The following CDRT4 variants were observed in gnomAD, a reference collection of about 807,000 sequenced individuals.
CDRT4 encodes CMT1A duplicated region transcript 4 protein.
For synonymous variants in CDRT4, 64 were observed against 69.6 expected (o/e 0.92, Z 0.40); for missense variants, 167 against 193.1 (o/e 0.87, Z 0.80).
intron 2 of CDRT4, among the ~76,000 whole-genome samples, chr17:15,449,070 C>A (rs1979151965): frequency 6.6e-6 from 1 of 152,220 alleles, no homozygotes; most frequent in African/African-American, 2.4e-5. Context: ...TTATTTCACA[C>A]ATATTTGCAT....
At chr17:15,443,347 G>A (rs1402142165) in intron 2 of CDRT4, among the ~76,000 whole-genome samples, 3 of 149,250 alleles carry the variant, frequency 2.0e-5, no homozygotes, top group Admixed American at 6.7e-5. Flanking sequence ...TGGCACGATC[G>A]TAGCTCACCG....
intron 1 of CDRT4, among the ~76,000 whole-genome samples, chr17:15,459,990 C>T (rs1032096909): frequency 1.2e-4 from 18 of 152,070 alleles, no homozygotes; most frequent in Non-Finnish European, 2.9e-5. Context: ...GTGAGGGAGC[C>T]CCTGTCCCAG....
intron 3 of CDRT4, among the ~76,000 whole-genome samples, 195 bp downstream of exon 3, chr17:15,440,013 C>T (rs961096182): frequency 1.3e-5 from 2 of 151,878 alleles, no homozygotes; most frequent in Non-Finnish European, 2.9e-5. Context: ...GGGTGCAGCA[C>T]ACCAACATGT....
intron 2 of CDRT4, among the ~76,000 whole-genome samples, chr17:15,445,569 T>C (rs1978988088): frequency 1.3e-5 from 2 of 152,082 alleles, no homozygotes; most frequent in African/African-American, 4.8e-5. Flanking sequence ...AGTGAAAAAA[T>C]GTTCTTCTCC....
rs138758289 is a variant in CDRT4 at position 15,451,397 on chromosome 17, C to T, written c.-48+1607G>A. Among the ~76,000 whole-genome samples the T allele has an allele frequency of 4.1e-4, 63 of 152,310 alleles. 1 individual carries two copies. The East Asian group carries it at 0.012, about 28-fold the overall frequency. ...GAAAATGGACTAACACACCCTACAACTCCTTCTCCAAAGAGGACCCAGAGT... is the reference window on the plus strand; with the variant it reads ...GAAAATGGACTAACACACCCTACAATTCCTTCTCCAAAGAGGACCCAGAGT... On this transcript the variant is annotated intron_variant, in intron 2 of 3. Transcript: ENST00000619038.
At chr17:15,445,058 C>T (rs905784300) in intron 2 of CDRT4, among the ~76,000 whole-genome samples, 1 of 152,176 alleles carries the variant, frequency 6.6e-6, no homozygotes, top group African/African-American at 2.4e-5. Flanking sequence ...TTTACGGGTT[C>T]CAGGCAGGAT....
At chr17:15,444,879 A>G (rs1382211653) in intron 2 of CDRT4, among the ~76,000 whole-genome samples, 1 of 152,078 alleles carries the variant, frequency 6.6e-6, no homozygotes, top group African/African-American at 2.4e-5. Context: ...TTCCACAACC[A>G]CCACCTGCCA....
intron 3 of CDRT4, among the ~76,000 whole-genome samples, 174 bp downstream of exon 3, chr17:15,440,034 C>T (rs1023966264): frequency 6.6e-6 from 1 of 151,700 alleles, no homozygotes. Context: ...CACATGTATA[C>T]ATATGTAACA....
Position 15,438,212 on chromosome 17 carries a change from G to C in CDRT4, c.32-12C>G, listed in dbSNP as rs376029782. ...GTTTTCTGTGAGTCCTACCAACAAA[G>C]AGAAATGCAGGCCATTTAGAGGCAG... On this transcript the variant is annotated splice_polypyrimidine_tract_variant and intron_variant, in intron 3 of 3. Transcript: ENST00000619038. 5.0e-6 allele frequency: 8 copies of C among 1,608,342 alleles called. No homozygotes were observed. Among genetic ancestry groups the C allele is most frequent in the Non-Finnish European group, 6.8e-6 (8 of 1,176,538 alleles).
intron 1 of CDRT4, among the ~76,000 whole-genome samples, chr17:15,454,757 G>T (rs991400876): frequency 3.9e-5 from 6 of 152,180 alleles, no homozygotes; most frequent in African/African-American, 4.8e-5. Context: ...TTTGGAGGTA[G>T]GAGAACTCAC....
intron 1 of CDRT4, among the ~76,000 whole-genome samples, chr17:15,460,638 GC>G (rs60248093): frequency 0.016 from 2,474 of 152,106 alleles, 64 homozygotes; most frequent in African/African-American, 0.057. Context: ...CCGCCTGGTT[GC>G]CCCCACAGCC....
At chr17:15,446,591 A>G (rs1979038991) in intron 2 of CDRT4, among the ~76,000 whole-genome samples, 1 of 152,146 alleles carries the variant, frequency 6.6e-6, no homozygotes, top group Non-Finnish European at 1.5e-5. Context: ...GAGAGAAACA[A>G]GTCCATTACC....
chr17:15,437,650 G>A lies in CDRT4; in HGVS notation c.*123C>T, dbSNP rs1454060805. 9.6e-7 allele frequency: 1 copy of A among 1,041,242 alleles called. No homozygotes were observed. The highest frequency in any genetic ancestry group is 1.4e-6 in the Non-Finnish European group (1 of 720,856). 64.5% of individuals were successfully genotyped at this position (1,041,242 alleles called of 1,614,324 possible). ...TCTTAGCCAAGCTCCGCATGAGCAA[G>A]AGCAAGTTCAGATTTAAAGGACACT... On this transcript the variant is annotated 3_prime_UTR_variant, in exon 4 of 4. Coordinates refer to ENST00000619038, the MANE Select transcript of CDRT4 (RefSeq NM_001204477.2).
At position 15,465,047 on chromosome 17, in the gene CDRT4, CACAG is replaced by C. The variant is rs201580629; in HGVS notation, c.-130+2409_-130+2412del. On this transcript the variant is annotated intron_variant, in intron 1 of 3. Transcript: ENST00000619038. ...CACACCAACACACAGACACACATAA[CACAG>C]ACACACACCAACACAGACACACACC... Among the ~76,000 whole-genome samples the C allele has an allele frequency of 4.0e-5, 5 of 125,948 alleles. No homozygotes were observed. The East Asian group carries it at 1.1e-3, about 27-fold the overall frequency. 82.6% of individuals were successfully genotyped at this position (125,948 alleles called of 152,430 possible). A position where few individuals can be genotyped will look rare whatever the true frequency, so the allele number is the denominator to read the frequency against.
At chr17:15,440,655 A>G (rs1392175433) in intron 2 of CDRT4, among the ~76,000 whole-genome samples, 3 of 152,182 alleles carry the variant, frequency 2.0e-5, no homozygotes, top group Non-Finnish European at 2.9e-5. Context: ...CCTCTACCAG[A>G]GTCCAAGAGT....
intron 2 of CDRT4, chr17:15,444,290 A>G (rs952024483): frequency 8.4e-6 from 4 of 474,224 alleles, no homozygotes; most frequent in Non-Finnish European, 1.5e-5. Flanking sequence ...ATTGATTTGG[A>G]AAAAAAATGT....
chr17:15,438,340 C>G, intron 3 of CDRT4, 140 bp from the exon 4 acceptor site: 1 of 724,456 alleles, frequency 1.4e-6, no homozygotes, highest in Non-Finnish European at 2.3e-6. Context: ...GAATAAAATC[C>G]AATTCAAAGT....
chr17:15,454,253 C>T (rs760715295), intron 1 of CDRT4, among the ~76,000 whole-genome samples: 1 of 152,150 alleles, frequency 6.6e-6, no homozygotes, highest in Non-Finnish European at 1.5e-5. Context: ...ATACCATCTG[C>T]TCACCAAAAG....
chr17:15,463,370 G>A (rs565651075), intron 1 of CDRT4, among the ~76,000 whole-genome samples: 2 of 152,266 alleles, frequency 1.3e-5, no homozygotes, highest in African/African-American at 2.4e-5. Context: ...AAGTTGGCTC[G>A]TGTCTCTCTA....
Sources: gnomAD v4.1 joint callset for allele counts (sites outside exome capture counted in the v4.1 genomes callset) on GRCh38, gnomAD v4.1.1 for gene constraint, MANE v1.5 for transcripts, NCBI Gene and HGNC (gene_info 2026-07-23, HGNC 2026-07-21) for gene names.